The following FBN1 variants were observed in gnomAD, a reference collection of about 807,000 sequenced individuals.
The protein encoded by FBN1 is fibrillin 1.
FBN1 carries 29 observed loss-of-function variants against 365.1 expected under a neutral mutation model. That is an observed-to-expected ratio of 0.08 (90% CI 0.06 to 0.11). The LOEUF is 0.11. Among genes scored for constraint, FBN1 ranks in the 10% least tolerant of loss-of-function variants. FBN1 has a pLI of 1.00. For synonymous variants in FBN1, 1,210 were observed against 1,270.5 expected (o/e 0.95, Z 1.01); for missense variants, 2,476 against 3,703.2 (o/e 0.67, Z 8.60).
intron 50 of FBN1, among the ~76,000 whole-genome samples, chr15:48,439,158 T>C (rs2043094366): frequency 6.6e-6 from 1 of 152,234 alleles, no homozygotes; most frequent in Non-Finnish European, 1.5e-5. Flanking sequence ...AAGGTTTTCA[T>C]GAATTAAAGT....
intron 11 of FBN1, 113 bp from the exon 12 acceptor site, chr15:48,515,640 T>TTCCTTTC: frequency 7.0e-7 from 1 of 1,426,662 alleles, no homozygotes; most frequent in Non-Finnish European, 9.8e-7. Flanking sequence ...AGGATACTCT[T>TTCCTTTC]TGGGCAAAGG....
intron 25 of FBN1, 63 bp downstream of exon 25, chr15:48,489,788 T>A: frequency 7.6e-7 from 1 of 1,311,250 alleles, no homozygotes; most frequent in Non-Finnish European, 1.1e-6. Context: ...GCTGAGATCA[T>A]GAAAATGCAT....
chr15:48,630,836 G>A (rs1288618228), intron 2 of FBN1, among the ~76,000 whole-genome samples: 2 of 152,084 alleles, frequency 1.3e-5, no homozygotes, highest in African/African-American at 4.8e-5. Context: ...TGGTGATGGT[G>A]TGATTTACCC....
At position 48,415,593 on chromosome 15, in the gene FBN1, T is replaced by C. The variant is rs763173031; in HGVS notation, c.7994A>G (p.Asn2665Ser). Residue 2665 changes from asparagine to serine, a missense_variant, in exon 64 of 66, where the codon AAT (asparagine) becomes AGT (serine). By Grantham distance (46) the Asn-to-Ser change is conservative. Around this residue, in one of 5 missense-constraint regions of FBN1, gnomAD observed 1,780 missense variants for 2,840.8 expected, o/e 0.63. Transcript: ENST00000316623. ...AQAPCSYGCS[N>S]TEGGYLCGCP... Reference sequence around the variant, plus strand: ...GCCACACAGGTAACCGCCCTCGGTATTGGAACAGCCATAGCTGCAGGGGGC... The same window carrying C: ...GCCACACAGGTAACCGCCCTCGGTACTGGAACAGCCATAGCTGCAGGGGGC... 5 of 1,614,218 alleles carry C rather than the reference T, an allele frequency of 3.1e-6. No homozygotes were observed. Among genetic ancestry groups the C allele is most frequent in the Non-Finnish European group, 4.2e-6 (5 of 1,180,042 alleles).
At chr15:48,612,789 G>A (rs541935881) in intron 3 of FBN1, among the ~76,000 whole-genome samples, 2 of 152,142 alleles carry the variant, frequency 1.3e-5, no homozygotes, top group Admixed American at 6.6e-5. Flanking sequence ...ATATGTAAAT[G>A]ACACAACCTC....
intron 42 of FBN1, among the ~76,000 whole-genome samples, chr15:48,462,715 T>G (rs2141266143): frequency 6.6e-6 from 1 of 152,356 alleles, no homozygotes; most frequent in African/African-American, 2.4e-5. Flanking sequence ...AGTTTAGCTT[T>G]AAATAAGTAA....
intron 8 of FBN1, among the ~76,000 whole-genome samples, chr15:48,532,500 A>ATGTGTGTGTGTGTG (rs1566921224): frequency 9.3e-6 from 1 of 107,122 alleles, no homozygotes; most frequent in East Asian, 3.5e-4. Context: ...GTATATATAT[A>ATGTGTGTGTGTGTG]TGTGTATGTG....
chr15:48,484,365 A>C (rs1014377962), intron 30 of FBN1, among the ~76,000 whole-genome samples: 10 of 151,778 alleles, frequency 6.6e-5, no homozygotes, highest in Admixed American at 3.3e-4. Flanking sequence ...AATAATATTT[A>C]CTTTCAACAA....
chr15:48,410,492 A>G lies in FBN1; in HGVS notation c.*498T>C, dbSNP rs1434119665. 6.2e-6 allele frequency: 1 copy of G among 161,774 alleles called. No homozygotes were observed. Among genetic ancestry groups the G allele is most frequent in the African/African-American group, 2.4e-5 (1 of 41,512 alleles). 10.0% of individuals were successfully genotyped at this position (161,774 alleles called of 1,614,324 possible). A position where few individuals can be genotyped will look rare whatever the true frequency, so the allele number is the denominator to read the frequency against. ...TGATTGAAATTAATGAAGTATTGGAACTGAATACTTGTAATTTGGTTTCTA... is the reference window on the plus strand; with the variant it reads ...TGATTGAAATTAATGAAGTATTGGAGCTGAATACTTGTAATTTGGTTTCTA... On this transcript the variant is annotated 3_prime_UTR_variant, in exon 66 of 66. Transcript: ENST00000316623.
chr15:48,589,609 C>CTTTTTTTTTTTTTTTTTTTTTTTTTTTTT, intron 6 of FBN1, among the ~76,000 whole-genome samples: 1 of 108,720 alleles, frequency 9.2e-6, no homozygotes, highest in Non-Finnish European at 1.8e-5. Flanking sequence ...TTGTTACTTT[C>CTTTTTTTTTTTTTTTTTTTTTTTTTTTTT]TTTTTTTTTT....
intron 2 of FBN1, among the ~76,000 whole-genome samples, chr15:48,623,526 T>C (rs1889809633): frequency 6.6e-6 from 1 of 152,200 alleles, no homozygotes; most frequent in African/African-American, 2.4e-5. Context: ...ATTTATTTCT[T>C]TGGCAAAAGA....
At chr15:48,607,159 C>G (rs1299219039) in intron 4 of FBN1, among the ~76,000 whole-genome samples, 1 of 151,996 alleles carries the variant, frequency 6.6e-6, no homozygotes, top group African/African-American at 2.4e-5. Context: ...ACAATTATCT[C>G]AGAATATGAA....
chr15:48,487,141 T>C lies in FBN1; in HGVS notation c.3523A>G (p.Ile1175Val), dbSNP rs756754760. Residue 1175 changes from isoleucine to valine, a missense_variant, in exon 29 of 66, where the codon ATA becomes GTA. This residue lies in a region of FBN1 where 1,780 missense variants were observed against 2,840.8 expected (regional missense o/e 0.63). Transcript: ENST00000316623. ...LCPNGRCVNLIGKYQCACNPG... is the reference protein window; with the variant it reads ...LCPNGRCVNLVGKYQCACNPG... ...TTGCAGGCACACTGATACTTCCCTATGAGGTTCACGCAACGGCCATTGGGG... is the reference window on the plus strand; with the variant it reads ...TTGCAGGCACACTGATACTTCCCTACGAGGTTCACGCAACGGCCATTGGGG... 10 of 1,613,754 alleles carry C rather than the reference T, an allele frequency of 6.2e-6. No homozygotes were observed. In the Admixed American group the frequency reaches 1.3e-4, roughly 22 times the overall value.
chr15:48,516,647 G>A (rs1159191928), intron 10 of FBN1, among the ~76,000 whole-genome samples: 1 of 152,128 alleles, frequency 6.6e-6, no homozygotes, highest in South Asian at 2.1e-4. Flanking sequence ...AAACATAAAA[G>A]TACTACTTTC....
intron 6 of FBN1, among the ~76,000 whole-genome samples, chr15:48,560,115 G>C (rs991913353): frequency 6.6e-5 from 10 of 152,106 alleles, no homozygotes; most frequent in Non-Finnish European, 1.5e-4. Context: ...TATTGGCAGA[G>C]GTACGTTAAG....
At chr15:48,465,916 A>G in intron 38 of FBN1, 58 bp from the exon 39 acceptor site, 1 of 1,188,804 alleles carries the variant, frequency 8.4e-7, no homozygotes, top group Non-Finnish European at 1.3e-6. Flanking sequence ...TAGAAATAGT[A>G]TCCTCAAGAG....
intron 6 of FBN1, among the ~76,000 whole-genome samples, chr15:48,595,014 G>C (rs2044505975): frequency 2.0e-5 from 3 of 152,166 alleles, no homozygotes; most frequent in Admixed American, 2.0e-4. Context: ...GCAGTTTAAG[G>C]AGGGACTCCT....
intron 42 of FBN1, among the ~76,000 whole-genome samples, chr15:48,461,709 A>C (rs1471005934): frequency 1.3e-5 from 2 of 152,228 alleles, no homozygotes; most frequent in Non-Finnish European, 2.9e-5. Flanking sequence ...ATAAAGGGAC[A>C]GAGAGTAAAT....
At chr15:48,635,620 T>TA (rs1159199031) in intron 2 of FBN1, among the ~76,000 whole-genome samples, 1 of 152,220 alleles carries the variant, frequency 6.6e-6, no homozygotes, top group East Asian at 1.9e-4. Flanking sequence ...AGAAGAAAGT[T>TA]AAAACATACC....
Sources: gnomAD v4.1 joint callset for allele counts (sites outside exome capture counted in the v4.1 genomes callset) on GRCh38, gnomAD v4.1.1 for gene constraint, gnomAD v4.1.1 regional missense constraint, MANE v1.5 for transcripts, NCBI Gene and HGNC (gene_info 2026-07-23, HGNC 2026-07-21) for gene names.